MAGED1: variants seen among roughly 807,000 people sequenced by gnomAD.
The protein encoded by MAGED1 is melanoma-associated antigen D1.
In MAGED1, 3 loss-of-function variants were observed where a neutral mutation model predicts 54.1. That is an observed-to-expected ratio of 0.06 (90% CI 0.03 to 0.14). The LOEUF is 0.14. Ranked by LOEUF, MAGED1 falls within the 10% of genes least tolerant of loss-of-function variation. The pLI is 1.00. For missense variants in MAGED1, 485 were observed against 623.4 expected (o/e 0.78, Z 2.36); for synonymous variants, 217 against 227.3 (o/e 0.95, Z 0.41).
rs782088531 is a variant in MAGED1, at chrX:51,873,051, A to T, written c.-36-21218A>T. 7.7e-4 allele frequency among the ~76,000 whole-genome samples: 85 copies of T among 109,730 alleles called. 2 individuals are homozygous for T. The highest frequency in any genetic ancestry group is 1.8e-3 in the African/African-American group (53 of 30,196). On this transcript the variant is annotated intron_variant, in intron 1 of 12. Coordinates refer to the MAGED1 transcript ENST00000375772. ...ACTTGCTTTCTTTCATTGTCAAAAA[A>T]AAAAAAATAAATAAAAAAATAAAAA...
At chrX:51,856,104 G>A (rs1342681375) in intron 1 of MAGED1, among the ~76,000 whole-genome samples, 1 of 111,904 alleles carries the variant, frequency 8.9e-6, no homozygotes, top group Non-Finnish European at 1.9e-5. Context: ...TTTGACAATA[G>A]TTCTGATGAC....
At chrX:51,865,402 A>G (rs1557361029) in intron 1 of MAGED1, among the ~76,000 whole-genome samples, 2 of 112,018 alleles carry the variant, frequency 1.8e-5, no homozygotes, top group Non-Finnish European at 3.8e-5. Context: ...AAATTGATGA[A>G]TGGATGGATG....
intron 1 of MAGED1, chrX:51,870,898 C>T (rs1557361480): frequency 8.9e-6 from 1 of 112,492 alleles, no homozygotes; most frequent in South Asian, 3.7e-4. Context: ...AAATGGACCT[C>T]ATGTTATAGA....
Position 51,897,785 on chromosome X carries a change from G to T in MAGED1, c.1567-10G>T, listed in dbSNP as rs200433505. 156 of 1,176,187 alleles carry T rather than the reference G, an allele frequency of 1.3e-4. No homozygotes were observed. In the Middle Eastern group the frequency reaches 4.2e-3, roughly 32 times the overall value. On this transcript the variant is annotated splice_polypyrimidine_tract_variant and intron_variant, in intron 6 of 12. Coordinates refer to ENST00000326587, the MANE Select transcript of MAGED1 (RefSeq NM_006986.4). ...TTGTAATTTCATAGTCTGTTTTCTT[G>T]CCCCTGTAGAAATTTGGGATTCAAC... is the stretch of plus-strand genomic sequence containing the variant.
chrX:51,854,827 C>G (rs1446418788), intron 1 of MAGED1, among the ~76,000 whole-genome samples: 3 of 110,589 alleles, frequency 2.7e-5, no homozygotes, highest in African/African-American at 6.6e-5. Context: ...GTGTGTATGC[C>G]CAGTTACTCC....
At chrX:51,818,569 C>T (rs781871408) in intron 1 of MAGED1, among the ~76,000 whole-genome samples, 4 of 112,237 alleles carry the variant, frequency 3.6e-5, no homozygotes, top group Admixed American at 9.4e-5. Flanking sequence ...GATGATACCA[C>T]AAGCATTGTA....
At chrX:51,892,446 GAC>G (rs1386790064), upstream of MAGED1, among the ~76,000 whole-genome samples, 2 of 112,229 alleles carry the variant, frequency 1.8e-5, no homozygotes, top group Non-Finnish European at 3.8e-5. Flanking sequence ...CCATGGCTCA[GAC>G]ACACAGGTCT....
chrX:51,828,728 A>G (rs1925949667), intron 1 of MAGED1, among the ~76,000 whole-genome samples: 1 of 111,521 alleles, frequency 9.0e-6, no homozygotes, highest in Admixed American at 9.6e-5. Flanking sequence ...CTACAATTAG[A>G]GGTGCTCACA....
chrX:51,898,554 T>C, intron 9 of MAGED1, 27 bp from the exon 10 acceptor site: 1 of 1,184,207 alleles, frequency 8.4e-7, no homozygotes, highest in African/African-American at 1.8e-5. Flanking sequence ...TAGCCTCTGA[T>C]TGTGGGTTTC....
intron 1 of MAGED1, among the ~76,000 whole-genome samples, chrX:51,873,085 G>GT (rs1315692836): frequency 2.7e-5 from 3 of 111,064 alleles, no homozygotes; most frequent in Non-Finnish European, 5.7e-5. Flanking sequence ...AAGAAAGAGG[G>GT]TTTAATTGAC....
chrX:51,894,551 G>T, intron 2 of MAGED1: 2 of 947,820 alleles, frequency 2.1e-6, no homozygotes, highest in Admixed American at 2.9e-5. Flanking sequence ...AGAGAGAGGG[G>T]AGACCCTGTT....
intron 1 of MAGED1, among the ~76,000 whole-genome samples, chrX:51,868,365 T>C (rs1224575231): frequency 9.0e-6 from 1 of 110,554 alleles, no homozygotes; most frequent in Non-Finnish European, 1.9e-5. Flanking sequence ...AAATGAGATA[T>C]CAGGGAATGA....
intron 1 of MAGED1, among the ~76,000 whole-genome samples, chrX:51,806,267 C>T (rs782426492): frequency 1.1e-4 from 12 of 111,043 alleles, no homozygotes; most frequent in African/African-American, 2.9e-4. Flanking sequence ...CCACCGCGCC[C>T]GGCCAGCTCA....
At position 51,874,535 on chromosome X, in the gene MAGED1, A is replaced by C. The variant is rs979046071; in HGVS notation, c.-36-19734A>C. Among the ~76,000 whole-genome samples, 5 of 111,562 alleles carry C rather than the reference A, an allele frequency of 4.5e-5. No homozygotes were observed. In the South Asian group the frequency reaches 1.9e-3, roughly 42 times the overall value. ...TAGAATCTTTTCCATTATGTCTTCA[A>C]GTTCACTAATCTTTAGTAATTAATA... is the stretch of plus-strand genomic sequence containing the variant. On this transcript the variant is annotated intron_variant, in intron 1 of 12. Coordinates refer to the MAGED1 transcript ENST00000375772.
intron 1 of MAGED1, among the ~76,000 whole-genome samples, chrX:51,812,160 C>G (rs1467891690): frequency 9.2e-6 from 1 of 108,352 alleles, no homozygotes; most frequent in African/African-American, 3.4e-5. Context: ...TACCCTAAAA[C>G]TTAAAGTATA....
At chrX:51,844,176 A>G (rs782743801) in intron 1 of MAGED1, among the ~76,000 whole-genome samples, 1 of 111,597 alleles carries the variant, frequency 9.0e-6, no homozygotes, top group African/African-American at 3.3e-5. Context: ...CAGGTTCCCA[A>G]ATTGTTTCTA....
At chrX:51,858,140 A>T (rs1927154083) in intron 1 of MAGED1, 1 of 112,395 alleles carries the variant, frequency 8.9e-6, no homozygotes, top group Non-Finnish European at 1.9e-5. Context: ...TTGTTTAATC[A>T]TTTTTTTACA....
At position 51,893,725 on chromosome X, in the gene MAGED1, C is replaced by A. The variant is rs1557363807; in HGVS notation, c.-67C>A. The A allele has an allele frequency of 8.9e-6, 1 of 112,962 alleles. No homozygotes were observed. Among genetic ancestry groups the A allele is most frequent in the Non-Finnish European group, 1.9e-5 (1 of 53,387 alleles). The allele number at this position is 112,962 out of a possible 1,213,427, so 9.3% of individuals were successfully genotyped here. A position where few individuals can be genotyped will look rare whatever the true frequency, so the allele number is the denominator to read the frequency against. On this transcript the variant is annotated 5_prime_UTR_variant, in exon 1 of 13. Transcript: ENST00000326587. ...TCTGAGTCGTGAAGAAGGGAGGCAG[C>A]GAGGGGGTTGGGGTTGGGGCCTGAG...
chrX:51,813,871 T>C (rs1925312527), intron 1 of MAGED1, among the ~76,000 whole-genome samples: 1 of 112,175 alleles, frequency 8.9e-6, no homozygotes, highest in Non-Finnish European at 1.9e-5. Flanking sequence ...TGTTGACTCC[T>C]GTAGAACCTC....
Sources: gnomAD v4.1 joint callset for allele counts (sites outside exome capture counted in the v4.1 genomes callset) on GRCh38, gnomAD v4.1.1 for gene constraint, MANE v1.5 for transcripts, NCBI Gene and HGNC (gene_info 2026-07-23, HGNC 2026-07-21) for gene names.